The following DOCK9 variants were observed in gnomAD, a reference collection of about 807,000 sequenced individuals.
The protein encoded by DOCK9 is dedicator of cytokinesis protein 9.
A neutral mutation model predicts 263.3 loss-of-function variants in DOCK9; 89 were observed. The observed-to-expected ratio is 0.34, with a 90% confidence interval of 0.28 to 0.40. The LOEUF (loss-of-function observed/expected upper bound fraction) is 0.40, where lower values mean the gene tolerates loss of function less well. Ranked by LOEUF, DOCK9 falls within the 10% of genes least tolerant of loss-of-function variation. The pLI is 1.00. For synonymous variants in DOCK9, 976 were observed against 973.1 expected (o/e 1.00, Z -0.06); for missense variants, 2,140 against 2,603.4 (o/e 0.82, Z 3.87).
At chr13:99,000,927 A>G (rs1882168639) in intron 1 of DOCK9, among the ~76,000 whole-genome samples, 1 of 152,192 alleles carries the variant, frequency 6.6e-6, no homozygotes, top group Non-Finnish European at 1.5e-5. Context: ...AGGAGCACCT[A>G]GGGTGGGAGG....
intron 9 of DOCK9, among the ~76,000 whole-genome samples, chr13:98,910,664 T>C (rs977970287): frequency 6.6e-6 from 1 of 152,168 alleles, no homozygotes; most frequent in African/African-American, 2.4e-5. Context: ...TTAGAGGAGC[T>C]GATTAGAAAA....
At chr13:98,818,685 C>G (rs1418625489) in intron 45 of DOCK9, among the ~76,000 whole-genome samples, 2 of 151,624 alleles carry the variant, frequency 1.3e-5, no homozygotes, top group African/African-American at 4.8e-5. Context: ...ATGATATTAG[C>G]CTAGACTTAA....
At chr13:99,031,536 G>A (rs1339002816) in intron 1 of DOCK9, among the ~76,000 whole-genome samples, 2 of 152,330 alleles carry the variant, frequency 1.3e-5, no homozygotes, top group Non-Finnish European at 2.9e-5. Flanking sequence ...AGTTCTTTAT[G>A]TAGTTACATT....
intron 1 of DOCK9, among the ~76,000 whole-genome samples, chr13:99,056,522 C>T (rs1433877960): frequency 3.3e-5 from 5 of 152,078 alleles, no homozygotes; most frequent in African/African-American, 9.7e-5. Flanking sequence ...CTAGGTGTGG[C>T]CCAGACTTGG....
At chr13:99,017,040 T>A (rs1242902001) in intron 1 of DOCK9, among the ~76,000 whole-genome samples, 1 of 152,162 alleles carries the variant, frequency 6.6e-6, no homozygotes, top group Non-Finnish European at 1.5e-5. Context: ...AGGCTTATTC[T>A]CTCTCCTGTA....
chr13:98,912,719 C>G (rs1218581731), intron 9 of DOCK9, among the ~76,000 whole-genome samples: 4 of 152,074 alleles, frequency 2.6e-5, no homozygotes, highest in African/African-American at 9.7e-5. Flanking sequence ...TGTATATCCT[C>G]ATAGGAAAAA....
chr13:98,875,359 C>T (rs2043661191), intron 27 of DOCK9, among the ~76,000 whole-genome samples: 1 of 152,204 alleles, frequency 6.6e-6, no homozygotes, highest in Non-Finnish European at 1.5e-5. Context: ...GAAGTCCAAA[C>T]AGTCCATTCA....
chr13:98,810,370 T>G (rs2091193913), intron 45 of DOCK9, 79 bp from the exon 46 acceptor site: 1 of 1,548,504 alleles, frequency 6.5e-7, no homozygotes. Flanking sequence ...GAATGCTAAG[T>G]GCTAAGACTG....
intron 1 of DOCK9, among the ~76,000 whole-genome samples, chr13:99,072,042 C>A (rs2041702965): frequency 6.6e-6 from 1 of 152,222 alleles, no homozygotes; most frequent in Non-Finnish European, 1.5e-5. Context: ...CCCAGCCCCA[C>A]CTTTTTTGCT....
chr13:98,940,974 C>A (rs74487335), intron 2 of DOCK9, among the ~76,000 whole-genome samples: 4,409 of 152,232 alleles, frequency 0.029, 220 homozygotes, highest in African/African-American at 0.1. Context: ...AATCCAAACT[C>A]CTCAGCATGA....
chr13:98,915,053 C>G (rs1388438321), intron 8 of DOCK9, among the ~76,000 whole-genome samples: 1 of 152,166 alleles, frequency 6.6e-6, no homozygotes, highest in Non-Finnish European at 1.5e-5. Context: ...CAGGGCTACA[C>G]AGCTGAAATA....
At chr13:98,812,221 A>G (rs975189706) in intron 45 of DOCK9, among the ~76,000 whole-genome samples, 2 of 148,570 alleles carry the variant, frequency 1.3e-5, no homozygotes, top group African/African-American at 2.5e-5. Flanking sequence ...AACATCAAAC[A>G]AAAGGTACTG....
chr13:98,828,461 A>G (rs1480582318), intron 43 of DOCK9, among the ~76,000 whole-genome samples: 1 of 152,240 alleles, frequency 6.6e-6, no homozygotes, highest in East Asian at 1.9e-4. Flanking sequence ...TTAAATTTAT[A>G]GTCAAAACTG....
chr13:98,814,933 C>T (rs1428093404), intron 45 of DOCK9, among the ~76,000 whole-genome samples: 1 of 135,944 alleles, frequency 7.4e-6, no homozygotes, highest in Non-Finnish European at 1.5e-5. Context: ...CAGATTCTGT[C>T]TCAAAATAAA....
At chr13:98,803,425 T>C (rs1000150791) in intron 49 of DOCK9, among the ~76,000 whole-genome samples, 1 of 152,232 alleles carries the variant, frequency 6.6e-6, no homozygotes, top group Non-Finnish European at 1.5e-5. Context: ...AGTTCTCTAA[T>C]CTGAGCATGC....
intron 45 of DOCK9, among the ~76,000 whole-genome samples, chr13:98,814,504 C>T (rs1330542095): frequency 6.6e-6 from 1 of 150,722 alleles, no homozygotes; most frequent in Non-Finnish European, 1.5e-5. Context: ...CTCCCGGATT[C>T]AAGTGATTCT....
intron 1 of DOCK9, among the ~76,000 whole-genome samples, chr13:98,997,261 T>C (rs1394378865): frequency 1.3e-5 from 2 of 152,256 alleles, no homozygotes; most frequent in African/African-American, 4.8e-5. Context: ...TGGCCCTCTG[T>C]GGATCACCTC....
chr13:98,837,273 GCA>G (rs1022798056), intron 39 of DOCK9, among the ~76,000 whole-genome samples: 1 of 152,052 alleles, frequency 6.6e-6, no homozygotes, highest in Non-Finnish European at 1.5e-5. Context: ...ACCCAAGCGC[GCA>G]GCACACACTG....
rs145091420 is a variant in DOCK9, at chr13:98,944,136, A to C, written c.243+11299T>G. ...AGCTAAATGTTATTTTAAAAAGAAAAGAAGAATGTGACCTCTCATGGGGAA... is the reference window on the plus strand; with the variant it reads ...AGCTAAATGTTATTTTAAAAAGAAACGAAGAATGTGACCTCTCATGGGGAA... On this transcript the variant is annotated intron_variant, in intron 2 of 52. Transcript: ENST00000682017. Among the ~76,000 whole-genome samples, 33 of 152,326 alleles carry C rather than the reference A, an allele frequency of 2.2e-4. No homozygotes were observed. The East Asian group carries it at 5.4e-3, about 25-fold the overall frequency.
Sources: allele counts gnomAD v4.1 joint callset (sites outside exome capture counted in the v4.1 genomes callset), GRCh38; gene constraint gnomAD v4.1.1; transcripts MANE v1.5; gene names NCBI Gene and HGNC (gene_info 2026-07-23, HGNC 2026-07-21).